The following FANCD2 variants were observed in gnomAD, a reference collection of about 807,000 sequenced individuals.
FANCD2 encodes the protein FA complementation group D2.
FANCD2 carries 131 observed loss-of-function variants against 192.3 expected under a neutral mutation model. The observed-to-expected ratio is 0.68, with a 90% CI of 0.59 to 0.79. The LOEUF (loss-of-function observed/expected upper bound fraction) is 0.79. FANCD2 is among the 30% of genes least tolerant of loss of function. FANCD2 has a pLI of 0.00. For missense variants in FANCD2, 1,508 were observed against 1,701.6 expected (o/e 0.89, Z 2.00); for synonymous variants, 524 against 612.5 (o/e 0.86, Z 2.13).
chr3:10,063,295 G>T (rs2087620334), intron 20 of FANCD2, among the ~76,000 whole-genome samples: 1 of 152,044 alleles, frequency 6.6e-6, no homozygotes, highest in Non-Finnish European at 1.5e-5. Flanking sequence ...AAATTAGCTG[G>T]ACATGGTGGC....
In FANCD2 at chr3:10,065,531, A is replaced by G. The variant is rs34323624; in HGVS notation, c.2269+37A>G. 6.1e-3 allele frequency: 8,418 copies of G among 1,369,090 alleles called. 426 individuals are homozygous for G. In the African/African-American group the frequency reaches 0.11, roughly 17 times the overall value. The allele number at this position is 1,369,090 out of a possible 1,614,324, so 84.8% of individuals were successfully genotyped here. ...AGTCATCAGATCCTTTCTTCTTTATACTCTTCCTTTGGTAAACTTAGGGAA... is the reference window on the plus strand; with the variant it reads ...AGTCATCAGATCCTTTCTTCTTTATGCTCTTCCTTTGGTAAACTTAGGGAA... On this transcript the variant is annotated intron_variant, in intron 24 of 43. Coordinates refer to ENST00000675286, the MANE Select transcript of FANCD2 (RefSeq NM_001018115.3).
intron 18 of FANCD2, among the ~76,000 whole-genome samples, chr3:10,058,439 C>G (rs1318783232): frequency 5.3e-5 from 8 of 152,006 alleles, no homozygotes; most frequent in Admixed American, 5.2e-4. Context: ...TGAAAGTTTT[C>G]TTTTATTTTC....
intron 37 of FANCD2, among the ~76,000 whole-genome samples, chr3:10,090,776 A>G (rs113633744): frequency 0.21 from 31,593 of 152,050 alleles, 3,977 homozygotes; most frequent in African/African-American, 0.36. Flanking sequence ...TGATTCTTCT[A>G]TGTCTTGGGT....
At chr3:10,052,080 G>A (rs958637902) in intron 17 of FANCD2, among the ~76,000 whole-genome samples, 25 of 152,132 alleles carry the variant, frequency 1.6e-4, no homozygotes, top group African/African-American at 6.0e-4. Context: ...GATGATTAAA[G>A]CCCAGGATTG....
chr3:10,058,116 T>G (rs2087466201), intron 18 of FANCD2: 1 of 469,414 alleles, frequency 2.1e-6, no homozygotes, highest in Non-Finnish European at 4.1e-6. Flanking sequence ...CCCCAGGTGA[T>G]GCCTTTGTTC....
intron 26 of FANCD2, 134 bp downstream of exon 26, chr3:10,067,451 C>G: frequency 1.5e-6 from 1 of 658,422 alleles, no homozygotes; most frequent in Non-Finnish European, 2.8e-6. Context: ...CCCTGATGAA[C>G]ATTGATACAA....
In FANCD2 at chr3:10,051,411, AAAG is replaced by A. The variant is rs1559381160; in HGVS notation, c.1546-975_1546-973del. ...AAAAAAAAAAAAAAAAAAAAAACAAAAAGGAGTGAGGGATTTATCTCCCAGTGT... is the reference window on the plus strand; with the variant it reads ...AAAAAAAAAAAAAAAAAAAAAACAAAGAGTGAGGGATTTATCTCCCAGTGT... On this transcript the variant is annotated intron_variant, in intron 17 of 43. Coordinates refer to ENST00000675286, the MANE Select transcript of FANCD2 (RefSeq NM_001018115.3). 5.4e-3 allele frequency among the ~76,000 whole-genome samples: 84 copies of A among 15,420 alleles called. 10 individuals carry two copies. The highest frequency in any genetic ancestry group is 0.024 in the African/African-American group (76 of 3,220). 10.1% of individuals were successfully genotyped at this position (15,420 alleles called of 152,430 possible).
Position 10,081,172 on chromosome 3 carries a change from T to G in FANCD2, c.3049T>G (p.Phe1017Val). ...TGCCCAAGAAATTGTTCATTGTGTTTTTCAACTGCTGACCCCAATGTGTAA... is the reference window on the plus strand; with the variant it reads ...TGCCCAAGAAATTGTTCATTGTGTTGTTCAACTGCTGACCCCAATGTGTAA... ...RSAQEIVHCVFQLLTPMCNHL... is the reference protein window; with the variant it reads ...RSAQEIVHCVVQLLTPMCNHL... The change falls in exon 31 of 44, where the codon TTT becomes GTT. Residue 1017 changes from phenylalanine to valine, a missense_variant. Phe to Val is a conservative substitution (Grantham distance 50). Around this residue, in one of 5 missense-constraint regions of FANCD2, gnomAD observed 796 missense variants for 879.4 expected, o/e 0.91. Transcript: ENST00000675286. 3.1e-6 allele frequency: 5 copies of G among 1,614,228 alleles called. No individual in the cohort carries two copies. Among genetic ancestry groups the G allele is most frequent in the Non-Finnish European group, 4.2e-6 (5 of 1,180,044 alleles).
In FANCD2 at chr3:10,043,089, T is replaced by A; in HGVS notation, c.928T>A (p.Cys310Ser). 6.2e-7 allele frequency: 1 copy of A among 1,614,160 alleles called. No individual in the cohort carries two copies. The highest frequency in any genetic ancestry group is 8.5e-7 in the Non-Finnish European group (1 of 1,180,026). The change falls in exon 12 of 44, where the codon TGT becomes AGT. Residue 310 changes from cysteine (C) to serine (S), a missense_variant. Cys to Ser is a moderately radical substitution (Grantham distance 112). Coordinates refer to ENST00000675286, the MANE Select transcript of FANCD2 (RefSeq NM_001018115.3). ...TCGGGAGAAGTTGGATCTGCAGCATTGTGTTTTGCCATCACGGTTACAGGC... is the reference window on the plus strand; with the variant it reads ...TCGGGAGAAGTTGGATCTGCAGCATAGTGTTTTGCCATCACGGTTACAGGC... ...ELREKLDLQH[C>S]VLPSRLQASQ...
At chr3:10,030,096 A>T (rs1349611020) in intron 2 of FANCD2, among the ~76,000 whole-genome samples, 6 of 124,292 alleles carry the variant, frequency 4.8e-5, no homozygotes, top group East Asian at 2.6e-4. Flanking sequence ...CCATTATATC[A>T]TTTTTTTTTT....
chr3:10,056,488 CCTTT>C (rs1448067460), intron 18 of FANCD2, among the ~76,000 whole-genome samples: 3 of 151,896 alleles, frequency 2.0e-5, no homozygotes, highest in African/African-American at 7.2e-5. Flanking sequence ...CATGTATTTT[CCTTT>C]CTTAAAAATT....
At chr3:10,090,720 A>G (rs1341295463) in intron 37 of FANCD2, among the ~76,000 whole-genome samples, 5 of 152,170 alleles carry the variant, frequency 3.3e-5, no homozygotes, top group Admixed American at 6.5e-5. Flanking sequence ...GGCCTCCCAA[A>G]GTGCTGAGAT....
chr3:10,101,061 C>T, intron 43 of FANCD2, 127 bp from the exon 44 acceptor site: 1 of 672,340 alleles, frequency 1.5e-6, no homozygotes, highest in Non-Finnish European at 2.6e-6. Flanking sequence ...GAGCAAGACT[C>T]CTTTAAAAAA....
At chr3:10,031,990 C>T (rs567327832) in intron 2 of FANCD2, among the ~76,000 whole-genome samples, 9 of 152,156 alleles carry the variant, frequency 5.9e-5, no homozygotes, top group African/African-American at 1.9e-4. Context: ...GTATTACAGG[C>T]GCACGCCACC....
At chr3:10,049,644 C>T (rs1365262110) in intron 17 of FANCD2, 139 bp downstream of exon 17, 9 of 847,192 alleles carry the variant, frequency 1.1e-5, no homozygotes, top group Non-Finnish European at 1.7e-5. Flanking sequence ...TCAGCAAACA[C>T]TTCTTTATAC....
chr3:10,087,609 T>A (rs1413734346), intron 34 of FANCD2, among the ~76,000 whole-genome samples: 2 of 151,714 alleles, frequency 1.3e-5, no homozygotes, highest in Non-Finnish European at 2.9e-5. Context: ...AAAGGAGAAA[T>A]CAGGGTCAAG....
intron 26 of FANCD2, among the ~76,000 whole-genome samples, chr3:10,072,525 C>T (rs778078792): frequency 2.2e-4 from 34 of 152,132 alleles, no homozygotes; most frequent in African/African-American, 3.1e-4. Context: ...GTGATCCGCG[C>T]GCCTTGACCT....
chr3:10,072,139 T>A (rs191878955), intron 26 of FANCD2, among the ~76,000 whole-genome samples: 1 of 152,250 alleles, frequency 6.6e-6, no homozygotes, highest in African/African-American at 2.4e-5. Flanking sequence ...ACTAAAATAG[T>A]ATAATTGGAT....
chr3:10,060,427 T>C (rs777842078), intron 19 of FANCD2, 24 bp downstream of exon 19: 37 of 1,566,220 alleles, frequency 2.4e-5, no homozygotes, highest in Admixed American at 2.0e-4. Context: ...TTCTGACTTC[T>C]GTGGTTTAAG....
Sources: allele counts gnomAD v4.1 joint callset (sites outside exome capture counted in the v4.1 genomes callset), GRCh38; gene constraint gnomAD v4.1.1; regional missense constraint gnomAD v4.1.1; transcripts MANE v1.5; gene names NCBI Gene and HGNC (gene_info 2026-07-23, HGNC 2026-07-21).